The following SS18L1 variants were observed in gnomAD, a reference collection of about 807,000 sequenced individuals.
SS18L1 encodes the protein calcium-responsive transactivator.
Under a neutral mutation model 70.3 loss-of-function variants are expected in SS18L1, and 32 were observed. The ratio of observed to expected loss-of-function variants is 0.46; its 90% CI spans 0.34 to 0.61. The LOEUF is 0.61. SS18L1 is among the 20% of genes least tolerant of loss of function. The pLI is 0.01. For missense variants in SS18L1, 430 were observed against 542.1 expected, an observed-to-expected ratio of 0.79 and a Z score of 2.05; for synonymous variants, 237 against 229.7, an observed-to-expected ratio of 1.03 and a Z score of -0.29.
Position 62,172,796 on chromosome 20 carries a change from G to C in SS18L1, c.1031G>C (p.Gly344Ala). 6.2e-7 allele frequency: 1 copy of C among 1,612,978 alleles called. No homozygotes were observed. The highest frequency in any genetic ancestry group is 8.5e-7 in the Non-Finnish European group (1 of 1,179,608). The stretch of plus-strand genomic sequence containing the variant: ...CAGAGCTACCCCGGGCAGCAGCAGG[G>C]CTACGGTAAGAGGCGAGCACGGTCC... ...SQQSYPGQQQ[G>A]YGSAQGAPSQ... Residue 344 changes from glycine to alanine, a missense_variant, in exon 9 of 11, where the codon GGC (glycine) becomes GCC (alanine). By Grantham distance (60) the Gly-to-Ala change is moderately conservative (BLOSUM62 0). Coordinates refer to ENST00000331758, the MANE Select transcript of SS18L1 (RefSeq NM_198935.3).
Position 62,143,886 on chromosome 20 carries a change from G to T in SS18L1, c.66G>T (p.Gln22His), listed in dbSNP as rs757226730. ...GKGEVTQQTI[Q>H]KMLDENHHLI... ...GGGAGGTTACGCAGCAAACCATCCA[G>T]AAGGTGGGCCGGGCCGGAGCGGCGG... The change falls in exon 1 of 11, where the codon CAG becomes CAT. Residue 22 changes from glutamine to histidine, a missense_variant. Coordinates refer to ENST00000331758, the MANE Select transcript of SS18L1 (RefSeq NM_198935.3). 1.6e-6 allele frequency: 2 copies of T among 1,226,690 alleles called. No homozygotes were observed. The highest frequency in any genetic ancestry group is 2.1e-6 in the Non-Finnish European group (2 of 949,490). The allele number at this position is 1,226,690 out of a possible 1,614,324, so 76.0% of individuals were successfully genotyped here.
At chr20:62,148,009 T>TA (rs1375842928) in intron 1 of SS18L1, among the ~76,000 whole-genome samples, 1 of 152,174 alleles carries the variant, frequency 6.6e-6, no homozygotes. Flanking sequence ...TTTGTAAGGT[T>TA]AAAGCTGTCC....
At chr20:62,179,149 T>C (rs376262694) in intron 10 of SS18L1, 33 bp from the exon 11 acceptor site, 15 of 1,613,200 alleles carry the variant, frequency 9.3e-6, no homozygotes, top group Non-Finnish European at 1.2e-5. Flanking sequence ...CTCATTACTA[T>C]AGGGGTGTAA....
chr20:62,163,544 G>T lies in SS18L1; in HGVS notation c.643G>T (p.Ala215Ser), dbSNP rs553178579. The T allele has an allele frequency of 5.5e-5, 89 of 1,611,244 alleles. 2 individuals are homozygous for T. The South Asian group carries it at 9.4e-4, about 17-fold the overall frequency. The change falls in exon 6 of 11, where the codon GCC becomes TCC. Residue 215 changes from alanine to serine, a missense_variant. Ala to Ser is a moderately conservative substitution (Grantham distance 99, BLOSUM62 1). Transcript: ENST00000331758. ...GCACTACCAGGGCCAGTCGTCCATCGCCATGATGGGGCAGGGCAGCCAGGG... is the reference window on the plus strand; with the variant it reads ...GCACTACCAGGGCCAGTCGTCCATCTCCATGATGGGGCAGGGCAGCCAGGG... Reference protein sequence around the residue: ...SQHYQGQSSIAMMGQGSQGSS... With the variant: ...SQHYQGQSSISMMGQGSQGSS...
chr20:62,144,192 C>T (rs1384208339), intron 1 of SS18L1, among the ~76,000 whole-genome samples: 9 of 151,386 alleles, frequency 5.9e-5, no homozygotes, highest in Non-Finnish European at 1.0e-4. Context: ...TGCCGGCCCC[C>T]GAGCGCGCTG....
Position 62,174,469 on chromosome 20 carries a change from AAG to A in SS18L1, c.1037-45_1037-44del. On this transcript the variant is annotated intron_variant, in intron 9 of 10. Transcript: ENST00000331758. This position sits in a 1 kb window ranked among gnomAD's most constrained non-coding sequence, Gnocchi z 4.1. ...ATTTTTAAGTTAAGAAAAAAAAAGA[AAG>A]AGGTGTCCGTTTTGGCCGGCCTCAC... 6.4e-7 allele frequency: 1 copy of A among 1,553,740 alleles called. No homozygotes were observed. The highest frequency in any genetic ancestry group is 8.7e-7 in the Non-Finnish European group (1 of 1,152,270).
At chr20:62,178,242 G>A (rs1020536686) in intron 10 of SS18L1, among the ~76,000 whole-genome samples, 2 of 147,038 alleles carry the variant, frequency 1.4e-5, no homozygotes, top group Non-Finnish European at 3.0e-5. Context: ...CACCTCTCAG[G>A]CCCAGTGATT....
Position 62,162,928 on chromosome 20 carries a change from C to CCT in SS18L1, c.554_555insTC (p.Val186GlnfsTer4). 6.2e-7 allele frequency: 1 copy of CCT among 1,611,244 alleles called. No individual in the cohort carries two copies. The highest frequency in any genetic ancestry group is 8.5e-7 in the Non-Finnish European group (1 of 1,179,646). On this transcript the variant is annotated frameshift_variant, in exon 5 of 11. Transcript: ENST00000331758. LOFTEE classifies it high-confidence loss of function. ...GACCAACATCAACATGCAGTCCAAC[C>CCT]CAGGTACCTACTCTGCCTCTGCAAC...
intron 1 of SS18L1, 102 bp downstream of exon 1, chr20:62,143,991 C>T (rs1322834213): frequency 4.1e-5 from 31 of 760,704 alleles, no homozygotes; most frequent in Non-Finnish European, 4.6e-5. Context: ...CGAACAAAGC[C>T]GGGGCGCAGC....
rs936651753 is a variant in SS18L1 at position 62,158,211 on chromosome 20, C to T, written c.70-461C>T. Among the ~76,000 whole-genome samples, 1 of 152,002 alleles carries T rather than the reference C, an allele frequency of 6.6e-6. No individual in the cohort carries two copies. The highest frequency in any genetic ancestry group is 1.5e-5 in the Non-Finnish European group (1 of 68,018). Reference sequence around the variant, plus strand: ...GGGCCCTGGAAGCTGGAGGGTCCTTCGGGCTGGGGGCTGCTGGGGGCACGG... The same window carrying T: ...GGGCCCTGGAAGCTGGAGGGTCCTTTGGGCTGGGGGCTGCTGGGGGCACGG... On this transcript the variant is annotated intron_variant, in intron 1 of 10. Coordinates refer to ENST00000331758, the MANE Select transcript of SS18L1 (RefSeq NM_198935.3). The surrounding 1 kb of genome is among the most constrained non-coding windows in gnomAD (Gnocchi z 4.5).
intron 8 of SS18L1, 64 bp from the exon 9 acceptor site, chr20:62,172,618 C>A: frequency 1.2e-6 from 2 of 1,607,008 alleles, no homozygotes; most frequent in Non-Finnish European, 1.7e-6. Context: ...CGTGAGTGGG[C>A]CACAGAATGA....
chr20:62,166,354 CAG>C (rs2057431457), intron 8 of SS18L1, among the ~76,000 whole-genome samples: 1 of 152,242 alleles, frequency 6.6e-6, no homozygotes, highest in African/African-American at 2.4e-5. Context: ...CAAGAGGTAA[CAG>C]TGTTGGTGAG....
chr20:62,165,943 C>T (rs1169079261), intron 8 of SS18L1, among the ~76,000 whole-genome samples: 1 of 152,180 alleles, frequency 6.6e-6, no homozygotes, highest in Non-Finnish European at 1.5e-5. Context: ...CTGGGTGTGG[C>T]CTCGCGTTTC....
chr20:62,156,658 T>C (rs147781561), intron 1 of SS18L1, among the ~76,000 whole-genome samples: 2 of 152,318 alleles, frequency 1.3e-5, no homozygotes, highest in Admixed American at 6.5e-5. Flanking sequence ...GGCTTGGCTC[T>C]CTCCACCCTG....
At position 62,154,048 on chromosome 20, in the gene SS18L1, C is replaced by T. The variant is rs141275271; in HGVS notation, c.70-4624C>T. ...GTTGTAGACTTGGTGCCCCTTTACT[C>T]CCAAATGCTTGAACGTGACTTTGCT... On this transcript the variant is annotated intron_variant, in intron 1 of 10. Coordinates refer to ENST00000331758, the MANE Select transcript of SS18L1 (RefSeq NM_198935.3). Among the ~76,000 whole-genome samples the T allele has an allele frequency of 4.9e-3, 753 of 152,326 alleles. 6 individuals are homozygous for T. Among genetic ancestry groups the T allele is most frequent in the African/African-American group, 0.017 (719 of 41,564 alleles).
At chr20:62,151,591 C>T (rs2057131203) in intron 1 of SS18L1, among the ~76,000 whole-genome samples, 2 of 152,160 alleles carry the variant, frequency 1.3e-5, no homozygotes, top group African/African-American at 4.8e-5. Context: ...CCAGCCAAGC[C>T]CAGCAGAAGA....
At chr20:62,154,839 G>A (rs561755160) in intron 1 of SS18L1, among the ~76,000 whole-genome samples, 2 of 152,304 alleles carry the variant, frequency 1.3e-5, no homozygotes, top group African/African-American at 4.8e-5. Flanking sequence ...TGGGGCTCCT[G>A]GAGGGCCGCG....
chr20:62,182,180 A>G lies in SS18L1; in HGVS notation c.*2972A>G, dbSNP rs1218885782. 1 of 223,258 alleles carries G rather than the reference A, an allele frequency of 4.5e-6. No individual in the cohort carries two copies. The highest frequency in any genetic ancestry group is 8.9e-6 in the Non-Finnish European group (1 of 111,976). 13.8% of individuals were successfully genotyped at this position (223,258 alleles called of 1,614,324 possible). A position where few individuals can be genotyped will look rare whatever the true frequency, so the allele number is the denominator to read the frequency against. On this transcript the variant is annotated 3_prime_UTR_variant, in exon 11 of 11. Coordinates refer to ENST00000331758, the MANE Select transcript of SS18L1 (RefSeq NM_198935.3). ...TCCTAAGATCTGAAAAGAAACCTTA[A>G]TACGCTCATATGGTTGGAGTGTTAA...
chr20:62,152,015 C>T (rs560199680), intron 1 of SS18L1, among the ~76,000 whole-genome samples: 2 of 151,394 alleles, frequency 1.3e-5, no homozygotes, highest in Non-Finnish European at 3.0e-5. Flanking sequence ...CCTCTTTTCC[C>T]GCTCCCCAGA....
Sources: allele counts gnomAD v4.1 joint callset (sites outside exome capture counted in the v4.1 genomes callset), GRCh38; gene constraint gnomAD v4.1.1; non-coding constraint Gnocchi (gnomAD v3.1); transcripts MANE v1.5; gene names NCBI Gene and HGNC (gene_info 2026-07-23, HGNC 2026-07-21).